The following SPG7 variants were observed in gnomAD, a reference collection of about 807,000 sequenced individuals.
SPG7 encodes mitochondrial inner membrane m-AAA protease component paraplegin.
A neutral mutation model predicts 81.9 loss-of-function variants in SPG7; 103 were observed. That is an observed-to-expected ratio of 1.26 (90% CI 1.07 to 1.48). The LOEUF (loss-of-function observed/expected upper bound fraction) is 1.48. Among genes scored for constraint, SPG7 ranks in the 40% most tolerant of loss-of-function variants. The probability of loss-of-function intolerance (pLI) is 0.00; values close to 1 mark genes in which losing one functional copy is unlikely to be tolerated. For missense variants in SPG7, 1,241 were observed against 1,087.3 expected (o/e 1.14, Z -1.99); for synonymous variants, 534 against 444.2 (o/e 1.20, Z -2.54).
chr16:89,537,838 C>T, intron 9 of SPG7: 1 of 914,130 alleles, frequency 1.1e-6, no homozygotes, highest in Non-Finnish European at 1.3e-6. Context: ...CGGGACACCC[C>T]TACCTTTGTC....
rs189802348 is a variant in SPG7, at chr16:89,531,107, C to T, written c.987+299C>T. 528 of 496,436 alleles carry T rather than the reference C, an allele frequency of 1.1e-3. 1 individual carries two copies. The highest frequency in any genetic ancestry group is 1.4e-3 in the Non-Finnish European group (370 of 270,160). 30.8% of individuals were successfully genotyped at this position (496,436 alleles called of 1,614,324 possible). On this transcript the variant is annotated intron_variant, in intron 7 of 16. Transcript: ENST00000645818. ...TGTGCTTTTTCCAGAACCACATAAA[C>T]ACCTTAGCCAGTTGGTGGCAGTGCA...
Position 89,517,401 on chromosome 16 carries a change from C to T in SPG7, c.376+4364C>T, listed in dbSNP as rs8052076. ...GGCAGCCTCCGTTGCCATGGCAAGGCAAAGCCATGGCAGCTTCCTGGTTAT... is the reference window on the plus strand; with the variant it reads ...GGCAGCCTCCGTTGCCATGGCAAGGTAAAGCCATGGCAGCTTCCTGGTTAT... On this transcript the variant is annotated intron_variant, in intron 3 of 16. Coordinates refer to ENST00000645818, the MANE Select transcript of SPG7 (RefSeq NM_003119.4). 0.42 allele frequency: 59,651 copies of T among 141,026 alleles called. 14,151 individuals are homozygous for T. The highest frequency in any genetic ancestry group is 0.67 in the East Asian group (3,234 of 4,792). 8.7% of individuals were successfully genotyped at this position (141,026 alleles called of 1,614,324 possible). A position where few individuals can be genotyped will look rare whatever the true frequency, so the allele number is the denominator to read the frequency against.
intron 2 of SPG7, 67 bp downstream of exon 2, chr16:89,510,659 C>A: frequency 3.0e-6 from 3 of 988,866 alleles, no homozygotes; most frequent in African/African-American, 1.6e-5. Context: ...ACTTGGGAGG[C>A]TGATCTTTTT....
intron 9 of SPG7, chr16:89,540,111 G>A (rs2058476201): frequency 6.6e-6 from 1 of 152,346 alleles, no homozygotes; most frequent in African/African-American, 2.4e-5. Context: ...GCACACAACT[G>A]GTCTCTCGCT....
In SPG7 at chr16:89,550,364, G is replaced by T. The variant is rs71396924; in HGVS notation, c.1664-130G>T. 125,083 of 734,478 alleles carry T rather than the reference G, an allele frequency of 0.17. 11,268 individuals are homozygous for T. Among genetic ancestry groups the T allele is most frequent in the Middle Eastern group, 0.21 (848 of 4,084 alleles). 45.5% of individuals were successfully genotyped at this position (734,478 alleles called of 1,614,324 possible). ...ATTTTTCTATTTTTAGTAGGGACGG[G>T]GTTTCACCATATTGGTCGGGCTGGT... On this transcript the variant is annotated intron_variant, in intron 12 of 16. Coordinates refer to ENST00000645818, the MANE Select transcript of SPG7 (RefSeq NM_003119.4).
intron 14 of SPG7, 120 bp downstream of exon 14, chr16:89,553,255 T>A: frequency 9.4e-7 from 1 of 1,064,808 alleles, no homozygotes; most frequent in East Asian, 2.6e-5. Flanking sequence ...ATTTATTAAG[T>A]ATTTTGTAAA....
At chr16:89,552,432 A>T (rs1165216296) in intron 13 of SPG7, 1 of 165,610 alleles carries the variant, frequency 6.0e-6, no homozygotes, top group Non-Finnish European at 1.3e-5. Flanking sequence ...CGCCGCCACA[A>T]TTCTCAGAAG....
chr16:89,531,042 G>T, intron 7 of SPG7: 1 of 623,020 alleles, frequency 1.6e-6, no homozygotes, highest in East Asian at 2.8e-5. Flanking sequence ...TGCCTACTGT[G>T]CCGTTAGCCG....
intron 3 of SPG7, chr16:89,518,057 C>A (rs1331037571): frequency 6.6e-6 from 1 of 152,194 alleles, no homozygotes; most frequent in Admixed American, 6.5e-5. Context: ...TTCTGGGTTT[C>A]CCCTGGGCCC....
Position 89,546,676 on chromosome 16 carries a change from G to A in SPG7, c.1468G>A (p.Glu490Lys), listed in dbSNP as rs769688149. Residue 490 changes from glutamate to lysine, a missense_variant, in exon 11 of 17, where the codon GAG becomes AAG. Glu to Lys is a moderately conservative substitution (Grantham distance 56). Coordinates refer to ENST00000645818, the MANE Select transcript of SPG7 (RefSeq NM_003119.4). ...PTLQERREIF[E>K]QHLKSLKLTQ... ...CTGGCAGGAGAGGCGGGAGATTTTTGAGCAGCACCTGAAGAGCCTGAAGCT... is the reference window on the plus strand; with the variant it reads ...CTGGCAGGAGAGGCGGGAGATTTTTAAGCAGCACCTGAAGAGCCTGAAGCT... 6.2e-6 allele frequency: 10 copies of A among 1,612,110 alleles called. No individual in the cohort carries two copies. The highest frequency in any genetic ancestry group is 8.5e-6 in the Non-Finnish European group (10 of 1,178,990).
intron 11 of SPG7, 127 bp from the exon 12 acceptor site, chr16:89,547,876 G>C (rs754699190): frequency 1.6e-5 from 12 of 771,698 alleles, no homozygotes; most frequent in Non-Finnish European, 2.1e-5. Flanking sequence ...GCCTCCCAAA[G>C]TGCTGGGATT....
chr16:89,527,425 A>G (rs1239210134), intron 5 of SPG7: 1 of 152,238 alleles, frequency 6.6e-6, no homozygotes, highest in Non-Finnish European at 1.5e-5. Flanking sequence ...TGTGACAATA[A>G]CAACGTTCAG....
At chr16:89,529,387 A>C in intron 5 of SPG7, 90 bp from the exon 6 acceptor site, 1 of 828,596 alleles carries the variant, frequency 1.2e-6, no homozygotes, top group East Asian at 2.6e-5. Context: ...CTCATCTTGG[A>C]AACATTGCCA....
At chr16:89,526,576 T>A in intron 5 of SPG7, 108 bp downstream of exon 5, 1 of 1,171,704 alleles carries the variant, frequency 8.5e-7, no homozygotes, top group Non-Finnish European at 1.3e-6. Context: ...TATAGTTAAC[T>A]AGACTTTTTA....
At chr16:89,549,086 C>T (rs1210076785) in intron 12 of SPG7, 8 of 456,168 alleles carry the variant, frequency 1.8e-5, no homozygotes, top group Non-Finnish European at 2.6e-5. Flanking sequence ...GACAGCCCTG[C>T]GGGTCGAGAG....
intron 6 of SPG7, 22 bp from the exon 7 acceptor site, chr16:89,530,661 G>C (rs1277573871): frequency 6.2e-7 from 1 of 1,614,068 alleles, no homozygotes; most frequent in Non-Finnish European, 8.5e-7. Context: ...CCAGCTCCTT[G>C]CACTTTGTTC....
intron 12 of SPG7, chr16:89,549,271 C>G (rs137872023): frequency 8.0e-4 from 366 of 456,412 alleles, no homozygotes; most frequent in African/African-American, 4.4e-3. Flanking sequence ...CGAGCTGATT[C>G]AAGTTGTACA....
At position 89,526,281 on chromosome 16, in the gene SPG7, C is replaced by T. The variant is rs200324095; in HGVS notation, c.619-48C>T. ...GCTCTCTGTTGACTGTAGGGTTGCT[C>T]GTCTGTCCCTGCGTTTCTCATGGTC... On this transcript the variant is annotated intron_variant, in intron 4 of 16. Transcript: ENST00000645818. The T allele has an allele frequency of 5.4e-5, 87 of 1,611,332 alleles. No homozygotes were observed. The East Asian group carries it at 8.7e-4, about 16-fold the overall frequency.
At position 89,548,025 on chromosome 16, in the gene SPG7, C is replaced by T; in HGVS notation, c.1575C>T (p.Cys525=). 1 of 1,612,926 alleles carries T rather than the reference C, an allele frequency of 6.2e-7. No homozygotes were observed. The highest frequency in any genetic ancestry group is 8.5e-7 in the Non-Finnish European group (1 of 1,179,914). Reference sequence around the variant, plus strand: ...CAGGGGCTGACATCGCCAACATCTGCAATGAGGCTGCGCTGCACGCGGCGC... The same window carrying T: ...CAGGGGCTGACATCGCCAACATCTGTAATGAGGCTGCGCTGCACGCGGCGC... The part of the protein sequence containing the change: ...GFSGADIANI[C]NEAALHAARE... Residue 525 remains cysteine (C), a synonymous_variant, in exon 12 of 17, where the codon TGC becomes TGT. Transcript: ENST00000645818.
Sources: allele counts gnomAD v4.1 joint callset, GRCh38; gene constraint gnomAD v4.1.1; transcripts MANE v1.5; gene names NCBI Gene and HGNC (gene_info 2026-07-23, HGNC 2026-07-21).